The following UVSSA variants were observed in gnomAD, a reference collection of about 807,000 sequenced individuals.
UVSSA encodes the protein UV-stimulated scaffold protein A.
Under a neutral mutation model 73.9 loss-of-function variants are expected in UVSSA, and 72 were observed. The observed-to-expected ratio is 0.97, with a 90% CI of 0.81 to 1.19. The LOEUF (loss-of-function observed/expected upper bound fraction) is 1.19, where lower values mean the gene tolerates loss of function less well. Among genes scored for constraint, UVSSA ranks in the 50% most tolerant of loss-of-function variants. The pLI is 0.00. For missense variants in UVSSA, 1,150 were observed against 965.0 expected, an observed-to-expected ratio of 1.19 and a Z score of -2.54; for synonymous variants, 454 against 391.3, an observed-to-expected ratio of 1.16 and a Z score of -1.89.
chr4:1,358,147 C>CCTCA (rs1716067522), intron 7 of UVSSA: 1 of 152,728 alleles, frequency 6.5e-6, no homozygotes, highest in African/African-American at 2.4e-5. Flanking sequence ...CACTGTCCTT[C>CCTCA]CTCACTCCTG....
At chr4:1,375,938 G>A in intron 9 of UVSSA, 96 bp from the exon 10 acceptor site, 12 of 1,518,706 alleles carry the variant, frequency 7.9e-6, no homozygotes, top group Non-Finnish European at 9.7e-6. Context: ...GATCCGACCC[G>A]AGGCCCCAGC....
rs546507668 is a variant in UVSSA at position 1,394,723 on chromosome 4, A to G, written c.*8762A>G. On this transcript the variant is annotated 3_prime_UTR_variant, in exon 14 of 14. Coordinates refer to the UVSSA transcript ENST00000511216. ...TGCCCGCCTGCTCACACACGTGTCCATGTGGAGTGCCCACCTGCTCATGTG... is the reference window on the plus strand; with the variant it reads ...TGCCCGCCTGCTCACACACGTGTCCGTGTGGAGTGCCCACCTGCTCATGTG... 20 of 1,425,414 alleles carry G rather than the reference A, an allele frequency of 1.4e-5. No individual in the cohort carries two copies. In the South Asian group the frequency reaches 1.7e-4, roughly 12 times the overall value. 88.3% of individuals were successfully genotyped at this position (1,425,414 alleles called of 1,614,324 possible). A position where few individuals can be genotyped will look rare whatever the true frequency, so the allele number is the denominator to read the frequency against.
downstream of UVSSA, chr4:1,388,136 TA>T (rs2109330690): frequency 1.3e-5 from 2 of 152,340 alleles, no homozygotes; most frequent in East Asian, 3.9e-4. Flanking sequence ...GTTTCTCACT[TA>T]TTTTGTTAAA....
Position 1,348,174 on chromosome 4 carries a change from T to C in UVSSA, c.83T>C (p.Leu28Pro), listed in dbSNP as rs1419837970. 2 of 1,613,656 alleles carry C rather than the reference T, an allele frequency of 1.2e-6. No individual in the cohort carries two copies. Among genetic ancestry groups the C allele is most frequent in the Admixed American group, 1.7e-5 (1 of 60,030 alleles). The stretch of plus-strand genomic sequence containing the variant: ...CTAAATCCTGAGAAAATGAAGGAAC[T>C]GAAGAAAATTTGCAAGTATGTCTTA... The part of the protein sequence containing the change: ...PRLNPEKMKE[L>P]KKICKSSEEQ... Residue 28 changes from leucine to proline, a missense_variant, in exon 2 of 14, where the codon CTG becomes CCG. Coordinates refer to ENST00000389851, the MANE Select transcript of UVSSA (RefSeq NM_020894.4).
chr4:1,385,755 C>G, intron 13 of UVSSA, 113 bp from the exon 14 acceptor site: 1 of 1,080,780 alleles, frequency 9.3e-7, no homozygotes, highest in Non-Finnish European at 1.4e-6. Flanking sequence ...CTGTCAGTGT[C>G]CGAGGGCAGC....
intron 7 of UVSSA, among the ~76,000 whole-genome samples, 173 bp downstream of exon 7, chr4:1,355,418 G>T (rs1226713774): frequency 6.6e-6 from 1 of 152,220 alleles, no homozygotes; most frequent in Non-Finnish European, 1.5e-5. Flanking sequence ...GTGAGCCCAG[G>T]GTCATCACCA....
exon 14 of UVSSA, chr4:1,395,778 A>T: frequency 6.2e-7 from 1 of 1,614,102 alleles, no homozygotes; most frequent in Non-Finnish European, 8.5e-7. Context: ...CGTACATTCT[A>T]CTCATGGTGG....
upstream of UVSSA, among the ~76,000 whole-genome samples, chr4:1,346,002 G>C (rs949809859): frequency 3.3e-5 from 5 of 152,180 alleles, no homozygotes; most frequent in African/African-American, 1.2e-4. Flanking sequence ...AGCTTGCTCA[G>C]TGAAGCAAGA....
At chr4:1,359,459 C>T (rs1051282608) in intron 7 of UVSSA, 1 of 152,186 alleles carries the variant, frequency 6.6e-6, no homozygotes, top group Admixed American at 6.5e-5. Flanking sequence ...CTCAAATCAC[C>T]AATTACTTTG....
At chr4:1,355,884 G>T (rs1220017297) in intron 7 of UVSSA, among the ~76,000 whole-genome samples, 5 of 152,168 alleles carry the variant, frequency 3.3e-5, no homozygotes, top group Admixed American at 3.3e-4. Context: ...CCGTTCGAGG[G>T]TGGGGGTGCC....
chr4:1,348,800 T>A (rs1714150384), intron 2 of UVSSA, among the ~76,000 whole-genome samples: 1 of 152,236 alleles, frequency 6.6e-6, no homozygotes, highest in Non-Finnish European at 1.5e-5. Flanking sequence ...TCAGGTTTTG[T>A]GGCCTGCGCC....
intron 5 of UVSSA, among the ~76,000 whole-genome samples, chr4:1,353,768 C>T (rs999242422): frequency 6.6e-6 from 1 of 152,158 alleles, no homozygotes; most frequent in African/African-American, 2.4e-5. Flanking sequence ...TGACTGGATC[C>T]CTGGGCAGGC....
At chr4:1,359,498 C>T (rs575278877) in intron 7 of UVSSA, 3 of 152,360 alleles carry the variant, frequency 2.0e-5, no homozygotes, top group East Asian at 3.9e-4. Context: ...ATATTAATTT[C>T]CTATCAGCCA....
In UVSSA at chr4:1,376,095, G is replaced by C; in HGVS notation, c.1495G>C (p.Ala499Pro). The C allele has an allele frequency of 6.2e-7, 1 of 1,604,504 alleles. No individual in the cohort carries two copies. The highest frequency in any genetic ancestry group is 8.5e-7 in the Non-Finnish European group (1 of 1,176,106). ...GAAGCTGGCAGCAGAGCGGGCCCGG[G>C]CGCCTGTGGTGCCCTACGGCGTGGA... ...AQKLAAERAR[A>P]PVVPYGVDLH... The change falls in exon 10 of 14, where the codon GCG (alanine) becomes CCG (proline). Residue 499 changes from alanine to proline, a missense_variant. Ala to Pro is a conservative substitution (Grantham distance 27, BLOSUM62 -1). Transcript: ENST00000389851.
intron 2 of UVSSA, 39 bp from the exon 3 acceptor site, chr4:1,349,485 C>A (rs369352505): frequency 6.3e-7 from 1 of 1,584,340 alleles, no homozygotes; most frequent in Non-Finnish European, 8.6e-7. Context: ...CCATCCTCTG[C>A]GTGTGGGGCA....
intron 8 of UVSSA, among the ~76,000 whole-genome samples, chr4:1,373,750 C>G (rs911122430): frequency 1.3e-5 from 2 of 152,308 alleles, no homozygotes; most frequent in South Asian, 4.2e-4. Flanking sequence ...ACCTGCGCGT[C>G]CCCCACACCC....
chr4:1,383,550 C>T (rs576492253), intron 12 of UVSSA, among the ~76,000 whole-genome samples: 1 of 152,290 alleles, frequency 6.6e-6, no homozygotes, highest in African/African-American at 2.4e-5. Context: ...CACCTTCACC[C>T]TGTGGGGGCC....
intron 4 of UVSSA, among the ~76,000 whole-genome samples, chr4:1,352,339 G>C (rs1714907670): frequency 6.6e-6 from 1 of 152,234 alleles, no homozygotes; most frequent in South Asian, 2.1e-4. Context: ...ATGTACCCCA[G>C]ATCCTTCTCC....
intron 10 of UVSSA, 91 bp from the exon 11 acceptor site, chr4:1,379,956 G>A (rs1577372961): frequency 7.0e-7 from 1 of 1,437,748 alleles, no homozygotes. Context: ...GGCTGCAGTG[G>A]TGTTTGGCCT....
Sources: allele counts gnomAD v4.1 joint callset (sites outside exome capture counted in the v4.1 genomes callset), GRCh38; gene constraint gnomAD v4.1.1; transcripts MANE v1.5; gene names NCBI Gene and HGNC (gene_info 2026-07-23, HGNC 2026-07-21).